FTO: variants seen among roughly 807,000 people sequenced by gnomAD.
FTO encodes the protein alpha-ketoglutarate-dependent dioxygenase FTO.
FTO carries 47 observed loss-of-function variants against 63.9 expected under a neutral mutation model. The observed-to-expected ratio is 0.74, with a 90% CI of 0.58 to 0.94. The LOEUF (loss-of-function observed/expected upper bound fraction) is 0.94. FTO is among the 40% of genes least tolerant of loss of function. The pLI is 0.00. For missense variants in FTO, 562 were observed against 618.1 expected, an observed-to-expected ratio of 0.91 and a Z score of 0.96; for synonymous variants, 207 against 224.4, an observed-to-expected ratio of 0.92 and a Z score of 0.69.
chr16:54,051,458 TC>T (rs1390339727), intron 8 of FTO, among the ~76,000 whole-genome samples: 2 of 152,266 alleles, frequency 1.3e-5, no homozygotes, highest in African/African-American at 4.8e-5. Flanking sequence ...AGGACAGTTG[TC>T]CTGGCTGGGC....
intron 8 of FTO, among the ~76,000 whole-genome samples, chr16:54,004,862 A>C (rs1367279731): frequency 6.6e-6 from 1 of 151,980 alleles, no homozygotes; most frequent in Non-Finnish European, 1.5e-5. Context: ...TGAGGTGAGG[A>C]GATCAAGACC....
intron 7 of FTO, among the ~76,000 whole-genome samples, chr16:53,908,395 T>A (rs192922061): frequency 5.3e-5 from 8 of 152,352 alleles, no homozygotes; most frequent in Non-Finnish European, 1.0e-4. Flanking sequence ...ATGGCCTCTG[T>A]CATTCTCCCT....
At chr16:54,002,432 T>C (rs1243982289) in intron 8 of FTO, among the ~76,000 whole-genome samples, 1 of 152,246 alleles carries the variant, frequency 6.6e-6, no homozygotes, top group Admixed American at 6.5e-5. Flanking sequence ...GCTTGGCTTA[T>C]TGTACGAGGT....
intron 6 of FTO, among the ~76,000 whole-genome samples, chr16:53,888,211 T>C (rs1352845923): frequency 6.6e-6 from 1 of 151,860 alleles, no homozygotes; most frequent in Non-Finnish European, 1.5e-5. Flanking sequence ...TTTTATTTTA[T>C]TTTATTTTGA....
At chr16:53,704,314 C>A in intron 1 of FTO, 85 bp downstream of exon 1, 4 of 1,343,960 alleles carry the variant, frequency 3.0e-6, no homozygotes, top group Non-Finnish European at 3.1e-6. Flanking sequence ...TGATGGCGAG[C>A]GGATGCGCGG....
intron 8 of FTO, among the ~76,000 whole-genome samples, chr16:54,021,507 T>C (rs1258783822): frequency 6.6e-6 from 1 of 151,678 alleles, no homozygotes; most frequent in African/African-American, 2.4e-5. Flanking sequence ...TGTTTGTTTT[T>C]GAGACAGAGT....
chr16:53,803,595 T>C (rs2078282453), intron 1 of FTO, among the ~76,000 whole-genome samples: 1 of 152,204 alleles, frequency 6.6e-6, no homozygotes, highest in African/African-American at 2.4e-5. Context: ...AATTAAACAA[T>C]TCTTAAGAGA....
chr16:54,010,510 C>A (rs2084310736), intron 8 of FTO, among the ~76,000 whole-genome samples: 1 of 152,068 alleles, frequency 6.6e-6, no homozygotes, highest in South Asian at 2.1e-4. Flanking sequence ...ATCAATATGG[C>A]ACCCTCAAAC....
intron 1 of FTO, among the ~76,000 whole-genome samples, chr16:53,774,819 T>C (rs994146627): frequency 6.6e-6 from 1 of 152,156 alleles, no homozygotes; most frequent in Non-Finnish European, 1.5e-5. Context: ...CCTAGAACTG[T>C]TGATTTGTAA....
intron 8 of FTO, among the ~76,000 whole-genome samples, chr16:54,084,691 T>C (rs988367167): frequency 4.6e-5 from 7 of 152,104 alleles, no homozygotes; most frequent in African/African-American, 1.2e-4. Context: ...GGCTCAAGTC[T>C]CAGGAGCAAT....
chr16:54,080,407 T>C (rs1191988930), intron 8 of FTO, among the ~76,000 whole-genome samples: 1 of 152,196 alleles, frequency 6.6e-6, no homozygotes, highest in Non-Finnish European at 1.5e-5. Flanking sequence ...CACGATCTCG[T>C]TGAGTCCTTA....
At chr16:53,768,582 C>T (rs11642015) in intron 1 of FTO, among the ~76,000 whole-genome samples, 46,707 of 152,014 alleles carry the variant, frequency 0.31, 8,799 homozygotes, top group Non-Finnish European at 0.42. Context: ...GGGGCAACTC[C>T]GTGTAGCAGG....
intron 2 of FTO, among the ~76,000 whole-genome samples, chr16:53,813,609 A>G (rs987234878): frequency 2.6e-5 from 4 of 152,212 alleles, no homozygotes; most frequent in African/African-American, 4.8e-5. Context: ...TTTTAATGAC[A>G]TGAGTAAATA....
chr16:53,981,328 A>T (rs1187968473), intron 8 of FTO: 1 of 152,300 alleles, frequency 6.6e-6, no homozygotes, highest in Admixed American at 6.5e-5. Flanking sequence ...CCATCTCTAA[A>T]ACAAATGGGA....
intron 8 of FTO, among the ~76,000 whole-genome samples, chr16:54,104,863 T>C (rs78261258): frequency 0.028 from 4,245 of 152,342 alleles, 136 homozygotes; most frequent in South Asian, 0.087. Flanking sequence ...CGTTTTTATT[T>C]GCGAGCGTTA....
intron 1 of FTO, among the ~76,000 whole-genome samples, chr16:53,762,372 C>A (rs1233274543): frequency 6.6e-6 from 1 of 152,124 alleles, no homozygotes; most frequent in Non-Finnish European, 1.5e-5. Context: ...TCTGTGAGTG[C>A]TTACTGACCC....
At chr16:53,924,645 A>T (rs962664619) in intron 7 of FTO, among the ~76,000 whole-genome samples, 1 of 152,160 alleles carries the variant, frequency 6.6e-6, no homozygotes, top group African/African-American at 2.4e-5. Context: ...CAGCAGCCTT[A>T]AGTAGTCCAG....
chr16:53,749,599 C>T (rs2076734798), intron 1 of FTO, among the ~76,000 whole-genome samples: 2 of 151,954 alleles, frequency 1.3e-5, no homozygotes, highest in Non-Finnish European at 2.9e-5. Context: ...CCATCACGCC[C>T]GGCCAATTTT....
intron 8 of FTO, among the ~76,000 whole-genome samples, chr16:54,103,234 C>G (rs1296400671): frequency 2.0e-5 from 3 of 152,142 alleles, no homozygotes; most frequent in African/African-American, 7.2e-5. Flanking sequence ...AAAAGCACTT[C>G]AGGTATATTT....
Sources: gnomAD v4.1 joint callset for allele counts (sites outside exome capture counted in the v4.1 genomes callset) on GRCh38, gnomAD v4.1.1 for gene constraint, MANE v1.5 for transcripts, NCBI Gene and HGNC (gene_info 2026-07-23, HGNC 2026-07-21) for gene names.